The following CA5A variants were observed in gnomAD, a reference collection of about 807,000 sequenced individuals.
CA5A encodes the protein carbonic anhydrase 5A.
In CA5A, 28 loss-of-function variants were observed where a neutral mutation model predicts 37.1. The observed-to-expected ratio is 0.75, with a 90% CI of 0.56 to 1.03. The LOEUF is 1.03. CA5A is among the 50% of genes least tolerant of loss of function. The pLI, the probability that CA5A is intolerant of heterozygous loss-of-function variation, is 0.00. For synonymous variants in CA5A, 171 were observed against 158.4 expected (o/e 1.08, Z -0.60); for missense variants, 444 against 399.9 (o/e 1.11, Z -0.94).
chr16:87,901,522 T>C (rs1448508246), intron 5 of CA5A, among the ~76,000 whole-genome samples: 1 of 152,152 alleles, frequency 6.6e-6, no homozygotes, highest in Non-Finnish European at 1.5e-5. Flanking sequence ...CATTTCTTTT[T>C]CCTTGCAAAT....
chr16:87,929,647 C>T (rs558461177), intron 1 of CA5A, among the ~76,000 whole-genome samples: 566 of 151,690 alleles, frequency 3.7e-3, no homozygotes, highest in African/African-American at 8.3e-3. Flanking sequence ...CCGAGGTGGG[C>T]GGATCACGAG....
rs1364112488 is a variant in CA5A, at chr16:87,881,940, CTG to C, written c.*17-3_*17-2del. ...GATGTTGGTGGGTGCAGAGGGCCCC[CTG>C]TGTGTTGATACGGAAAATGAAGGTC... is the stretch of plus-strand genomic sequence containing the variant. On this transcript the variant is annotated splice_acceptor_variant and splice_polypyrimidine_tract_variant and intron_variant, in intron 4 of 4. Coordinates refer to the CA5A transcript ENST00000648177. LOFTEE classifies it low-confidence loss of function (3UTR_SPLICE). The C allele has an allele frequency of 6.6e-6, 1 of 152,184 alleles. No individual in the cohort carries two copies. The highest frequency in any genetic ancestry group is 2.4e-5 in the African/African-American group (1 of 41,434). 9.4% of individuals were successfully genotyped at this position (152,184 alleles called of 1,614,324 possible).
intron 5 of CA5A, among the ~76,000 whole-genome samples, chr16:87,894,662 TG>T (rs1021955610): frequency 2.0e-5 from 3 of 151,654 alleles, no homozygotes; most frequent in African/African-American, 7.2e-5. Context: ...GCAGATCACC[TG>T]AAGTCAGGAG....
At chr16:87,930,735 A>AT (rs68126628) in intron 1 of CA5A, among the ~76,000 whole-genome samples, 105 of 134,502 alleles carry the variant, frequency 7.8e-4, no homozygotes, top group Middle Eastern at 3.9e-3. Flanking sequence ...CTTTGGATCT[A>AT]TTTTTTTTTT....
At chr16:87,934,644 C>T (rs1197383078) in intron 1 of CA5A, among the ~76,000 whole-genome samples, 1 of 151,598 alleles carries the variant, frequency 6.6e-6, no homozygotes, top group Non-Finnish European at 1.5e-5. Context: ...GGCAGGCTAG[C>T]GCTCTTGACG....
chr16:87,919,145 C>G (rs961119338), intron 2 of CA5A, among the ~76,000 whole-genome samples: 1 of 152,160 alleles, frequency 6.6e-6, no homozygotes, highest in Non-Finnish European at 1.5e-5. Context: ...GGGGTCGGGA[C>G]AAGGTCAGAG....
intron 2 of CA5A, chr16:87,923,647 A>G (rs1437347492): frequency 1.0e-6 from 1 of 985,428 alleles, no homozygotes; most frequent in South Asian, 4.7e-5. Context: ...GTGTCAGCTC[A>G]GGGTCAGCCA....
intron 2 of CA5A, among the ~76,000 whole-genome samples, chr16:87,908,970 C>T (rs534523062): frequency 7.3e-5 from 11 of 150,962 alleles, no homozygotes; most frequent in Middle Eastern, 3.4e-3. Context: ...ACTACAGGTG[C>T]GCACCACCAC....
In CA5A at chr16:87,888,380, C is replaced by A. The variant is rs1050680938; in HGVS notation, c.775-108G>T. 3.6e-5 allele frequency: 34 copies of A among 948,586 alleles called. 1 individual carries two copies. The Middle Eastern group carries it at 1.6e-3, about 44-fold the overall frequency. The allele number at this position is 948,586 out of a possible 1,614,324, so 58.8% of individuals were successfully genotyped here. On this transcript the variant is annotated intron_variant, in intron 6 of 6. Transcript: ENST00000649794. The stretch of plus-strand genomic sequence containing the variant: ...CCCCTCCCATGCTGAATCAGGATGG[C>A]CCGAAATGATCAATAAATATGGTGG...
chr16:87,894,241 C>T (rs1005055454), intron 5 of CA5A, among the ~76,000 whole-genome samples: 8 of 152,082 alleles, frequency 5.3e-5, no homozygotes, highest in Non-Finnish European at 7.4e-5. Context: ...CCCTCATCAG[C>T]GTCCCATGCC....
chr16:87,921,876 TTA>T (rs1491146665), intron 2 of CA5A, among the ~76,000 whole-genome samples: 22 of 67,210 alleles, frequency 3.3e-4, no homozygotes, highest in East Asian at 8.2e-4. Flanking sequence ...ATTATTATTA[TTA>T]TTTTTGAGAG....
At chr16:87,886,005 T>C (rs540721631), downstream of CA5A, 2 of 152,260 alleles carry the variant, frequency 1.3e-5, no homozygotes, top group East Asian at 3.9e-4. Flanking sequence ...CAATAAATGT[T>C]ACATGAATTA....
intron 1 of CA5A, among the ~76,000 whole-genome samples, chr16:87,934,314 A>T (rs1229551058): frequency 6.6e-6 from 1 of 152,162 alleles, no homozygotes; most frequent in Admixed American, 6.5e-5. Flanking sequence ...CACGCCTGCA[A>T]TCCCAGCACT....
rs1597566343 is a variant in CA5A at position 87,911,418 on chromosome 16, G to C, written c.341-6514C>G. Reference sequence around the variant, plus strand: ...AGATGCTGTTAATAGCCATCTATTTGTAGTTCGGGGCTTTTACCAAGATGA... The same window carrying C: ...AGATGCTGTTAATAGCCATCTATTTCTAGTTCGGGGCTTTTACCAAGATGA... On this transcript the variant is annotated intron_variant, in intron 2 of 6. Transcript: ENST00000649794. This position sits in a 1 kb window ranked among gnomAD's most constrained non-coding sequence, Gnocchi z 4.6. Among the ~76,000 whole-genome samples the C allele has an allele frequency of 6.6e-6, 1 of 152,326 alleles. No individual in the cohort carries two copies. The highest frequency in any genetic ancestry group is 1.9e-4 in the East Asian group (1 of 5,184).
At chr16:87,931,842 G>C (rs2056410286) in intron 1 of CA5A, among the ~76,000 whole-genome samples, 2 of 152,248 alleles carry the variant, frequency 1.3e-5, no homozygotes, top group Non-Finnish European at 2.9e-5. Flanking sequence ...GCGGGAGCCG[G>C]CGGCCACAAC....
intron 2 of CA5A, among the ~76,000 whole-genome samples, chr16:87,925,869 C>G (rs1012643358): frequency 6.6e-6 from 1 of 152,146 alleles, no homozygotes; most frequent in African/African-American, 2.4e-5. Context: ...CTATTTAACC[C>G]CTGCTCCCCT....
chr16:87,922,477 C>G (rs753331059), intron 2 of CA5A, among the ~76,000 whole-genome samples: 1 of 152,240 alleles, frequency 6.6e-6, no homozygotes, highest in Non-Finnish European at 1.5e-5. Context: ...TTCCAAGGCA[C>G]ACATGCTGCC....
intron 2 of CA5A, among the ~76,000 whole-genome samples, chr16:87,917,397 T>C (rs1468933464): frequency 6.6e-6 from 1 of 152,224 alleles, no homozygotes; most frequent in African/African-American, 2.4e-5. Context: ...AGTGGCTGAA[T>C]CTCTAACAGG....
At chr16:87,923,507 G>T in intron 2 of CA5A, 1 of 979,440 alleles carries the variant, frequency 1.0e-6, no homozygotes, top group South Asian at 4.7e-5. Flanking sequence ...TTTTAAAGGG[G>T]GTCTGTCCAC....
Sources: allele counts gnomAD v4.1 joint callset (sites outside exome capture counted in the v4.1 genomes callset), GRCh38; gene constraint gnomAD v4.1.1; non-coding constraint Gnocchi (gnomAD v3.1); transcripts MANE v1.5; gene names NCBI Gene and HGNC (gene_info 2026-07-23, HGNC 2026-07-21).